WNT9B: variants seen among roughly 807,000 people sequenced by gnomAD.
The protein encoded by WNT9B is protein Wnt-9b.
Under a neutral mutation model 30.2 loss-of-function variants are expected in WNT9B, and 12 were observed. The observed-to-expected ratio is 0.40, with a 90% CI of 0.26 to 0.64. The LOEUF (loss-of-function observed/expected upper bound fraction) is 0.64, where lower values mean the gene tolerates loss of function less well. Ranked by LOEUF, WNT9B falls within the 30% of genes least tolerant of loss-of-function variation. The pLI is 0.42. For missense variants in WNT9B, 442 were observed against 485.2 expected (o/e 0.91, Z 0.84); for synonymous variants, 218 against 216.9 (o/e 1.01, Z -0.05).
chr17:46,841,049 G>A lies in WNT9B; in HGVS notation c.95+7609G>A, dbSNP rs148703277. On this transcript the variant is annotated intron_variant, in intron 1 of 2. Coordinates refer to the WNT9B transcript ENST00000575372. Reference sequence around the variant, plus strand: ...GCCTTTCCCGATGCTACTTCCAACAGGAGGCAGAGGGTGGGAGAATTCAGG... The same window carrying A: ...GCCTTTCCCGATGCTACTTCCAACAAGAGGCAGAGGGTGGGAGAATTCAGG... Among the ~76,000 whole-genome samples the A allele has an allele frequency of 5.5e-3, 840 of 152,288 alleles. 13 individuals carry two copies. The highest frequency in any genetic ancestry group is 0.019 in the African/African-American group (772 of 41,550).
chr17:46,875,275 C>T lies in WNT9B; in HGVS notation c.509C>T (p.Thr170Ile), dbSNP rs776156211. The change falls in exon 3 of 4, where the codon ACC (threonine) becomes ATC (isoleucine). Residue 170 changes from threonine (T) to isoleucine (I), a missense_variant. Thr to Ile is a moderately conservative substitution (Grantham distance 89, BLOSUM62 -1). Transcript: ENST00000290015. ...GVCGDNLKYS[T>I]KFLSNFLGSK... The stretch of plus-strand genomic sequence containing the variant: ...TGCGGTGACAACCTCAAGTACAGCA[C>T]CAAGTTTCTGAGCAACTTCCTGGGG... 2 of 1,614,200 alleles carry T rather than the reference C, an allele frequency of 1.2e-6. No homozygotes were observed. Among genetic ancestry groups the T allele is most frequent in the South Asian group, 1.1e-5 (1 of 91,086 alleles).
At chr17:46,873,318 G>A (rs557807927) in intron 2 of WNT9B, among the ~76,000 whole-genome samples, 18 of 148,612 alleles carry the variant, frequency 1.2e-4, no homozygotes, top group South Asian at 6.9e-4. Flanking sequence ...CACCCACTAA[G>A]CATCCATGGA....
At chr17:46,884,426 G>A (rs1204750362), downstream of WNT9B, among the ~76,000 whole-genome samples, 1 of 152,200 alleles carries the variant, frequency 6.6e-6, no homozygotes, top group South Asian at 2.1e-4. Flanking sequence ...GCGTGAGGGG[G>A]CACACAGGAG....
At chr17:46,859,093 C>T (rs1436764739) in intron 1 of WNT9B, among the ~76,000 whole-genome samples, 1 of 150,800 alleles carries the variant, frequency 6.6e-6, no homozygotes, top group Non-Finnish European at 1.5e-5. Flanking sequence ...TCTTCTGACT[C>T]AGCCTCCTGA....
chr17:46,860,126 G>C (rs372990583), intron 1 of WNT9B, among the ~76,000 whole-genome samples: 3 of 152,190 alleles, frequency 2.0e-5, no homozygotes, highest in East Asian at 1.9e-4. Flanking sequence ...AGGCCAGCTT[G>C]TCTCTGGCTG....
downstream of WNT9B, among the ~76,000 whole-genome samples, chr17:46,884,018 A>G (rs1338866640): frequency 6.6e-6 from 1 of 152,136 alleles, no homozygotes; most frequent in Non-Finnish European, 1.5e-5. Flanking sequence ...CCCGCCATGG[A>G]GAGTGGGCAG....
chr17:46,852,517 G>A (rs1457401403), intron 1 of WNT9B, among the ~76,000 whole-genome samples: 1 of 151,682 alleles, frequency 6.6e-6, no homozygotes, highest in Non-Finnish European at 1.5e-5. Context: ...TGGGGAGAGA[G>A]CCGGACAGGA....
chr17:46,835,656 C>T (rs1036180971), intron 1 of WNT9B, among the ~76,000 whole-genome samples: 9 of 152,240 alleles, frequency 5.9e-5, no homozygotes, highest in Non-Finnish European at 4.4e-5. Flanking sequence ...CTACAGTGGC[C>T]CTCAGCAGTT....
At chr17:46,852,018 C>G (rs2084856352) in intron 1 of WNT9B, among the ~76,000 whole-genome samples, 1 of 152,176 alleles carries the variant, frequency 6.6e-6, no homozygotes, top group Non-Finnish European at 1.5e-5. Context: ...ACCCTGGCCC[C>G]GTCCGCCCCG....
intron 1 of WNT9B, among the ~76,000 whole-genome samples, chr17:46,843,078 A>G (rs1276571527): frequency 1.3e-5 from 2 of 152,220 alleles, no homozygotes; most frequent in Admixed American, 1.3e-4. Flanking sequence ...GCCACATTAG[A>G]CACTGAAGGC....
At chr17:46,849,153 C>T (rs1368240753), upstream of WNT9B, among the ~76,000 whole-genome samples, 3 of 152,218 alleles carry the variant, frequency 2.0e-5, no homozygotes, top group African/African-American at 7.2e-5. Flanking sequence ...GGTGGGGCCA[C>T]GCCATTGGCT....
intron 1 of WNT9B, among the ~76,000 whole-genome samples, chr17:46,862,378 C>T (rs974665815): frequency 6.6e-6 from 1 of 152,114 alleles, no homozygotes; most frequent in Admixed American, 6.5e-5. Flanking sequence ...TAGACATCTA[C>T]AGGTTGGGAT....
upstream of WNT9B, among the ~76,000 whole-genome samples, chr17:46,848,333 C>A (rs1339943840): frequency 6.6e-6 from 1 of 152,200 alleles, no homozygotes; most frequent in Non-Finnish European, 1.5e-5. Context: ...AAAAAGGCCA[C>A]AAACCAGGGT....
At chr17:46,872,828 G>A (rs2085273821) in intron 2 of WNT9B, 55 bp downstream of exon 2, 4 of 1,503,922 alleles carry the variant, frequency 2.7e-6, no homozygotes, top group Admixed American at 1.9e-5. Context: ...CTTCAGGGAG[G>A]AGGAGGCTGG....
intron 1 of WNT9B, among the ~76,000 whole-genome samples, chr17:46,854,280 G>A (rs188854419): frequency 1.7e-4 from 26 of 152,322 alleles, no homozygotes; most frequent in Non-Finnish European, 3.1e-4. Context: ...TCTGGTATCA[G>A]TCATCTACAC....
At chr17:46,858,319 G>A (rs1349095816) in intron 1 of WNT9B, among the ~76,000 whole-genome samples, 3 of 152,038 alleles carry the variant, frequency 2.0e-5, no homozygotes, top group Non-Finnish European at 4.4e-5. Flanking sequence ...TTTTCTTATT[G>A]ATGTCTTATG....
intron 1 of WNT9B, among the ~76,000 whole-genome samples, chr17:46,870,254 A>G (rs112453939): frequency 1.4e-4 from 22 of 152,254 alleles, no homozygotes; most frequent in African/African-American, 5.1e-4. Context: ...TCGGTGTGAG[A>G]AGGAGGACAT....
intron 1 of WNT9B, among the ~76,000 whole-genome samples, chr17:46,843,131 C>T (rs953965649): frequency 3.9e-5 from 6 of 152,156 alleles, no homozygotes; most frequent in African/African-American, 1.4e-4. Context: ...GTGCCAAGCC[C>T]AGAGAGGGAG....
intron 1 of WNT9B, among the ~76,000 whole-genome samples, chr17:46,861,921 T>A (rs2085043763): frequency 6.6e-6 from 1 of 152,176 alleles, no homozygotes; most frequent in Admixed American, 6.5e-5. Context: ...CCCAGCACTT[T>A]GGGAGGCTGA....
Sources: gnomAD v4.1 joint callset for allele counts (sites outside exome capture counted in the v4.1 genomes callset) on GRCh38, gnomAD v4.1.1 for gene constraint, MANE v1.5 for transcripts, NCBI Gene and HGNC (gene_info 2026-07-23, HGNC 2026-07-21) for gene names.